The following BABAM2 variants were observed in gnomAD, a reference collection of about 807,000 sequenced individuals.
BABAM2 encodes the protein BRISC and BRCA1 A complex member 2, also known as BRISC and BRCA1-A complex member 2.
BABAM2 carries 31 observed loss-of-function variants against 54.7 expected under a neutral mutation model. The ratio of observed to expected loss-of-function variants is 0.57; its 90% confidence interval spans 0.43 to 0.77. The LOEUF (loss-of-function observed/expected upper bound fraction) is 0.77. Among genes scored for constraint, BABAM2 ranks in the 30% least tolerant of loss-of-function variants. The probability of loss-of-function intolerance (pLI) is 0.00; values close to 1 mark genes in which losing one functional copy is unlikely to be tolerated. For missense variants in BABAM2, 364 were observed against 455.8 expected, an observed-to-expected ratio of 0.80 and a Z score of 1.83; for synonymous variants, 167 against 162.9, an observed-to-expected ratio of 1.03 and a Z score of -0.19.
chr2:27,961,769 C>A (rs1200276105), intron 3 of BABAM2, among the ~76,000 whole-genome samples: 2 of 148,806 alleles, frequency 1.3e-5, no homozygotes, highest in Non-Finnish European at 3.0e-5. Flanking sequence ...ACTCTGTCAC[C>A]CAGGCTGGAG....
intron 11 of BABAM2, among the ~76,000 whole-genome samples, chr2:28,330,500 C>A (rs1690858618): frequency 6.6e-6 from 1 of 152,162 alleles, no homozygotes; most frequent in African/African-American, 2.4e-5. Flanking sequence ...GATACAAAAT[C>A]AATGTGCAAA....
chr2:28,249,309 G>C (rs1683214374), intron 10 of BABAM2, among the ~76,000 whole-genome samples: 2 of 151,968 alleles, frequency 1.3e-5, no homozygotes, highest in Admixed American at 1.3e-4. Context: ...GGCTGATCTT[G>C]AACTCCTGGC....
intron 10 of BABAM2, among the ~76,000 whole-genome samples, chr2:28,263,951 A>C (rs1039930022): frequency 1.3e-5 from 2 of 152,196 alleles, no homozygotes; most frequent in African/African-American, 4.8e-5. Context: ...CATACAGGCA[A>C]GCCTAGTGAA....
At chr2:28,091,759 C>G (rs2148692595) in intron 6 of BABAM2, among the ~76,000 whole-genome samples, 1 of 152,224 alleles carries the variant, frequency 6.6e-6, no homozygotes, top group East Asian at 1.9e-4. Context: ...TGAAATGTGG[C>G]TTAGTTTTTT....
At chr2:28,087,056 T>G (rs184663736) in intron 6 of BABAM2, among the ~76,000 whole-genome samples, 1 of 152,226 alleles carries the variant, frequency 6.6e-6, no homozygotes, top group Non-Finnish European at 1.5e-5. Context: ...AATTGAGGGC[T>G]TAACTATGAG....
intron 2 of BABAM2, among the ~76,000 whole-genome samples, chr2:27,901,168 A>G (rs745604397): frequency 1.2e-4 from 19 of 152,126 alleles, no homozygotes; most frequent in South Asian, 4.1e-4. Flanking sequence ...GAATTATTCC[A>G]TGAGCTTACT....
chr2:28,235,025 A>T (rs973961654), intron 7 of BABAM2, among the ~76,000 whole-genome samples: 4 of 152,262 alleles, frequency 2.6e-5, no homozygotes, highest in African/African-American at 9.6e-5. Context: ...ACACTGTCTT[A>T]TAATTTTCTC....
chr2:28,073,856 G>A (rs906416319), intron 6 of BABAM2, among the ~76,000 whole-genome samples: 2 of 152,096 alleles, frequency 1.3e-5, no homozygotes, highest in Admixed American at 6.5e-5. Context: ...TACAAAGAGT[G>A]CTACAGTGAA....
chr2:28,095,107 T>C (rs781110438), intron 6 of BABAM2, among the ~76,000 whole-genome samples: 1 of 152,136 alleles, frequency 6.6e-6, no homozygotes, highest in Non-Finnish European at 1.5e-5. Flanking sequence ...AGTGGTAGGA[T>C]TGCCAGGTCA....
Position 28,245,025 on chromosome 2 carries a change from C to T in BABAM2, c.934+163C>T, listed in dbSNP as rs182531986. 1.2e-4 allele frequency among the ~76,000 whole-genome samples: 18 copies of T among 152,052 alleles called. No individual in the cohort carries two copies. The South Asian group carries it at 3.5e-3, about 30-fold the overall frequency. ...TATTAAGGAGAAAATATCTCTAGGC[C>T]GGTGGTTCTCAACCACTGGAGCAAT... On this transcript the variant is annotated intron_variant, in intron 10 of 11. Coordinates refer to ENST00000379624, the MANE Select transcript of BABAM2 (RefSeq NM_199191.3).
At chr2:28,133,113 A>G (rs1297075626) in intron 7 of BABAM2, among the ~76,000 whole-genome samples, 1 of 152,240 alleles carries the variant, frequency 6.6e-6, no homozygotes, top group Non-Finnish European at 1.5e-5. Flanking sequence ...AAAGATTAAC[A>G]TAAAAGAAGT....
chr2:28,231,410 T>G (rs936194986), intron 7 of BABAM2, among the ~76,000 whole-genome samples: 1 of 152,192 alleles, frequency 6.6e-6, no homozygotes, highest in African/African-American at 2.4e-5. Context: ...TTAGACATAG[T>G]TAGGCATACA....
chr2:28,093,456 A>G (rs558021278), intron 6 of BABAM2, among the ~76,000 whole-genome samples: 5 of 152,224 alleles, frequency 3.3e-5, no homozygotes, highest in African/African-American at 9.6e-5. Context: ...TAGCTGAGAC[A>G]CTTGCCTTTT....
intron 6 of BABAM2, among the ~76,000 whole-genome samples, chr2:28,061,363 A>T (rs370938828): frequency 6.6e-6 from 1 of 151,836 alleles, no homozygotes; most frequent in South Asian, 2.1e-4. Flanking sequence ...AGGCGGGCAG[A>T]TCACGAGGTC....
intron 2 of BABAM2, among the ~76,000 whole-genome samples, chr2:27,898,376 C>T (rs79973528): frequency 0.01 from 1,535 of 152,210 alleles, 14 homozygotes; most frequent in Middle Eastern, 0.017. Context: ...ATGGGGTGAG[C>T]TTGGAGAAAA....
At chr2:27,938,514 C>T (rs1301263973) in intron 3 of BABAM2, among the ~76,000 whole-genome samples, 2 of 152,000 alleles carry the variant, frequency 1.3e-5, no homozygotes, top group Non-Finnish European at 2.9e-5. Flanking sequence ...GCCTCAGCCT[C>T]CTGAGTAGCT....
In BABAM2 at chr2:27,916,998, C is replaced by T. The variant is rs145062501; in HGVS notation, c.129-12834C>T. Among the ~76,000 whole-genome samples, 439 of 146,478 alleles carry T rather than the reference C, an allele frequency of 3.0e-3. 1 individual carries two copies. The highest frequency in any genetic ancestry group is 5.0e-3 in the Non-Finnish European group (335 of 66,990). On this transcript the variant is annotated intron_variant, in intron 2 of 11. Coordinates refer to ENST00000379624, the MANE Select transcript of BABAM2 (RefSeq NM_199191.3). ...AGAATCCTTTGTGTAACTCTTATAG[C>T]AATAATCACTCCAAACTTTTTTTTT...
intron 11 of BABAM2, among the ~76,000 whole-genome samples, chr2:28,328,002 G>A (rs1196254048): frequency 6.6e-6 from 1 of 152,138 alleles, no homozygotes; most frequent in East Asian, 1.9e-4. Flanking sequence ...TACAAAACAA[G>A]CTCCCATCGT....
intron 3 of BABAM2, among the ~76,000 whole-genome samples, chr2:27,959,971 G>A (rs964635636): frequency 6.6e-6 from 1 of 151,260 alleles, no homozygotes; most frequent in Middle Eastern, 3.2e-3. Context: ...GTCTACTTTT[G>A]AAGAATTCTG....
Sources: gnomAD v4.1 joint callset for allele counts (sites outside exome capture counted in the v4.1 genomes callset) on GRCh38, gnomAD v4.1.1 for gene constraint, MANE v1.5 for transcripts, NCBI Gene and HGNC (gene_info 2026-07-23, HGNC 2026-07-21) for gene names.